Variants in AKAP19 observed in about 807,000 individuals in gnomAD.
AKAP19 encodes A-kinase anchoring protein 19.
At chr2:189,951,566 T>G in the AKAP19 span, among the ~76,000 whole-genome samples, 3 of 152,298 alleles carry the variant, frequency 2.0e-5, no homozygotes. Context: ...GGTAAATGCT[T>G]TAAGTACTTT....
the AKAP19 span, among the ~76,000 whole-genome samples, chr2:189,971,251 GC>G: frequency 6.6e-6 from 1 of 151,988 alleles, no homozygotes; most frequent in Non-Finnish European, 1.5e-5. Context: ...TTTTGTCCTT[GC>G]GATAGTTTGC....
the AKAP19 span, among the ~76,000 whole-genome samples, chr2:190,080,498 A>C: frequency 6.6e-6 from 1 of 152,318 alleles, no homozygotes; most frequent in African/African-American, 2.4e-5. Flanking sequence ...GATGGGCAGG[A>C]GTTTGCCAGG....
chr2:190,133,232 T>G, the AKAP19 span, among the ~76,000 whole-genome samples: 1 of 55,770 alleles, frequency 1.8e-5, no homozygotes, highest in Admixed American at 3.2e-4. Flanking sequence ...AGCGAGACTC[T>G]GCCAAAAAAA....
the AKAP19 span, among the ~76,000 whole-genome samples, chr2:190,004,784 G>T: frequency 1.1e-4 from 16 of 152,154 alleles, no homozygotes; most frequent in African/African-American, 3.4e-4. Flanking sequence ...GAGTGTGTCT[G>T]CCTTTCACAC....
chr2:190,060,678 A>T, the AKAP19 span, among the ~76,000 whole-genome samples: 1 of 152,052 alleles, frequency 6.6e-6, no homozygotes, highest in Admixed American at 6.6e-5. Context: ...TTCCCCTTCC[A>T]GAGAACTATG....
chr2:189,888,614 C>T, the AKAP19 span, among the ~76,000 whole-genome samples: 1 of 151,814 alleles, frequency 6.6e-6, no homozygotes, highest in Non-Finnish European at 1.5e-5. Flanking sequence ...TCTCTTATTT[C>T]CTTGAGCAGT....
the AKAP19 span, chr2:190,057,678 C>G: frequency 6.2e-7 from 1 of 1,604,522 alleles, no homozygotes; most frequent in Non-Finnish European, 8.5e-7. Flanking sequence ...TATCAATAGG[C>G]CTGGAAACAC....
At chr2:190,050,863 G>C in the AKAP19 span, among the ~76,000 whole-genome samples, 2 of 152,182 alleles carry the variant, frequency 1.3e-5, no homozygotes, top group South Asian at 2.1e-4. Flanking sequence ...TAAGGAATTA[G>C]AGATATTACA....
the AKAP19 span, among the ~76,000 whole-genome samples, chr2:190,003,000 T>C: frequency 6.6e-6 from 1 of 152,188 alleles, no homozygotes; most frequent in African/African-American, 2.4e-5. Context: ...TTAATGTTGT[T>C]AATAAAGTTT....
chr2:190,004,230 A>T, the AKAP19 span, among the ~76,000 whole-genome samples: 6 of 152,190 alleles, frequency 3.9e-5, no homozygotes, highest in African/African-American at 1.4e-4. Flanking sequence ...ATATGTAACT[A>T]ACCTGCACAT....
At chr2:190,180,901 G>A in the AKAP19 span, 1 of 985,280 alleles carries the variant, frequency 1.0e-6, no homozygotes, top group Non-Finnish European at 1.2e-6. This position sits in a 1 kb window ranked among gnomAD's most constrained non-coding sequence, Gnocchi z 6.8. Flanking sequence ...CCGGCGAGAA[G>A]GCGGCGCCGC....
At chr2:190,157,825 A>G in the AKAP19 span, among the ~76,000 whole-genome samples, 1 of 152,216 alleles carries the variant, frequency 6.6e-6, no homozygotes, top group Non-Finnish European at 1.5e-5. Context: ...CTTAAAATGT[A>G]ATGCTCCAAA....
the AKAP19 span, among the ~76,000 whole-genome samples, chr2:190,004,158 G>C: frequency 1.3e-5 from 2 of 151,810 alleles, no homozygotes; most frequent in Non-Finnish European, 2.9e-5. Context: ...AGCTTTAGGA[G>C]ATATACCTAA....
At chr2:189,951,245 A>T in the AKAP19 span, among the ~76,000 whole-genome samples, 1 of 113,868 alleles carries the variant, frequency 8.8e-6, no homozygotes, top group South Asian at 2.8e-4. Context: ...ATCTTCCCCC[A>T]GGCTGGAGTG....
the AKAP19 span, among the ~76,000 whole-genome samples, chr2:189,885,610 T>C: frequency 6.6e-6 from 1 of 152,158 alleles, no homozygotes; most frequent in East Asian, 1.9e-4. Flanking sequence ...TTTGAAGAGA[T>C]AGATAAGCAG....
the AKAP19 span, chr2:190,200,536 T>A: frequency 5.4e-6 from 1 of 183,930 alleles, no homozygotes; most frequent in South Asian, 1.5e-4. Context: ...CCAAAAAAAG[T>A]CCAGATATGA....
the AKAP19 span, among the ~76,000 whole-genome samples, chr2:189,937,527 G>C: frequency 0.2 from 31,020 of 151,786 alleles, 3,396 homozygotes; most frequent in African/African-American, 0.29. Flanking sequence ...TAGAATCACA[G>C]GGAAATCAAG....
the AKAP19 span, among the ~76,000 whole-genome samples, chr2:190,110,146 A>G: frequency 6.6e-6 from 1 of 152,226 alleles, no homozygotes; most frequent in East Asian, 1.9e-4. Context: ...GACAAAATGT[A>G]ATAGTTCAAC....
the AKAP19 span, among the ~76,000 whole-genome samples, chr2:189,994,105 G>T: frequency 6.6e-6 from 1 of 151,444 alleles, no homozygotes; most frequent in East Asian, 1.9e-4. Context: ...CCACCTCCTG[G>T]GTTCAAGCGA....
Sources: gnomAD v4.1 joint callset for allele counts (sites outside exome capture counted in the v4.1 genomes callset) on GRCh38, gnomAD v4.1.1 for gene constraint, Gnocchi (gnomAD v3.1) non-coding constraint, MANE v1.5 for transcripts, NCBI Gene and HGNC (gene_info 2026-07-23, HGNC 2026-07-21) for gene names.